Variants in EIF3A observed in about 807,000 individuals in gnomAD.
EIF3A encodes the protein eukaryotic translation initiation factor 3 subunit A.
Under a neutral mutation model 186.6 loss-of-function variants are expected in EIF3A, and 21 were observed. The observed-to-expected ratio is 0.11, with a 90% confidence interval of 0.08 to 0.16. EIF3A has a LOEUF of 0.16. Ranked by LOEUF, EIF3A falls within the 10% of genes least tolerant of loss-of-function variation. The pLI is 1.00. For synonymous variants in EIF3A, 563 were observed against 584.3 expected (o/e 0.96, Z 0.52); for missense variants, 1,306 against 1,796.3 (o/e 0.73, Z 4.93).
intron 18 of EIF3A, 91 bp downstream of exon 18, chr10:119,043,963 C>A (rs1848249351): frequency 2.1e-6 from 2 of 936,656 alleles, no homozygotes; most frequent in African/African-American, 3.3e-5. Flanking sequence ...GCTCTCCTTT[C>A]CCTGCCTCTA....
intron 20 of EIF3A, 43 bp from the exon 21 acceptor site, chr10:119,037,352 C>T (rs769486363): frequency 2.6e-6 from 4 of 1,547,318 alleles, no homozygotes; most frequent in Non-Finnish European, 3.6e-6. Flanking sequence ...TACTGTTAGA[C>T]CAAATGGATA....
At chr10:119,048,122 G>A (rs17098374) in intron 17 of EIF3A, among the ~76,000 whole-genome samples, 2,654 of 145,330 alleles carry the variant, frequency 0.018, 72 homozygotes, top group African/African-American at 0.069. Flanking sequence ...CTACTAACGC[G>A]TGTTTTAAAA....
chr10:119,065,097 C>T (rs1320780170), intron 7 of EIF3A, among the ~76,000 whole-genome samples: 1 of 152,130 alleles, frequency 6.6e-6, no homozygotes, highest in Non-Finnish European at 1.5e-5. Context: ...TTCCTAGAGC[C>T]TCCATGAAAT....
chr10:119,071,442 C>T (rs948369883), intron 4 of EIF3A, among the ~76,000 whole-genome samples: 3 of 152,084 alleles, frequency 2.0e-5, no homozygotes, highest in Admixed American at 6.6e-5. Flanking sequence ...TGATATCTAA[C>T]TTACATAGTA....
chr10:119,076,937 C>CAAAA (rs71016536), intron 1 of EIF3A, among the ~76,000 whole-genome samples: 13 of 123,356 alleles, frequency 1.1e-4, no homozygotes, highest in South Asian at 2.6e-4. Context: ...GACTCTGTCT[C>CAAAA]AAAAAAAAAA....
rs756916885 is a variant in EIF3A, at chr10:119,038,320, G to A, written c.3646C>T (p.Arg1216Trp). Residue 1216 changes from arginine to tryptophan, a missense_variant, in exon 20 of 22, where the codon CGG (arginine) becomes TGG (tryptophan). Coordinates refer to ENST00000369144, the MANE Select transcript of EIF3A (RefSeq NM_003750.4). ...TCAGGGTCCTTGTCATTCTCCTCCC[G>A]ATCTTGATTATCTCTGTCCCTTTCT... Reference protein sequence around the residue: ...EKERDRDNQDREENDKDPERE... With the variant: ...EKERDRDNQDWEENDKDPERE... 56 of 1,613,830 alleles carry A rather than the reference G, an allele frequency of 3.5e-5. No homozygotes were observed. Among genetic ancestry groups the A allele is most frequent in the Non-Finnish European group, 4.5e-5 (53 of 1,179,920 alleles).
At chr10:119,049,747 C>CAAA in intron 17 of EIF3A, 54 bp downstream of exon 17, 1 of 1,156,226 alleles carries the variant, frequency 8.6e-7, no homozygotes, top group Non-Finnish European at 1.2e-6. Context: ...GTGCCTCAAC[C>CAAA]AAAAAAAAAA....
chr10:119,039,047 T>G (rs534296191), intron 19 of EIF3A, among the ~76,000 whole-genome samples: 3 of 152,220 alleles, frequency 2.0e-5, no homozygotes, highest in South Asian at 4.1e-4. Context: ...GATTTCAGCA[T>G]AGTATCTGTT....
chr10:119,048,459 C>A (rs1690339001), intron 17 of EIF3A, among the ~76,000 whole-genome samples: 1 of 152,078 alleles, frequency 6.6e-6, no homozygotes. Flanking sequence ...CCGTTTTGAA[C>A]CTGAGTGCAA....
chr10:119,037,440 T>A, intron 20 of EIF3A, 131 bp from the exon 21 acceptor site: 1 of 752,608 alleles, frequency 1.3e-6, no homozygotes, highest in Non-Finnish European at 2.1e-6. Flanking sequence ...AACCTGACCT[T>A]ACCTGATGCC....
At chr10:119,038,686 G>C (rs992215400) in intron 19 of EIF3A, among the ~76,000 whole-genome samples, 4 of 152,156 alleles carry the variant, frequency 2.6e-5, no homozygotes, top group Non-Finnish European at 5.9e-5. Context: ...CACTTTTGGA[G>C]ACCGAGCCAG....
At chr10:119,037,840 C>T (rs1192539390) in intron 20 of EIF3A, among the ~76,000 whole-genome samples, 1 of 152,002 alleles carries the variant, frequency 6.6e-6, no homozygotes, top group Non-Finnish European at 1.5e-5. Flanking sequence ...GTTCCAATGC[C>T]CAACGGGTCA....
At chr10:119,080,262 G>C in intron 1 of EIF3A, 1 of 965,310 alleles carries the variant, frequency 1.0e-6, no homozygotes, top group Non-Finnish European at 1.2e-6. Context: ...GGCCGGGGAC[G>C]CGGGCCCTAA....
At chr10:119,056,013 C>G (rs904793541) in intron 14 of EIF3A, among the ~76,000 whole-genome samples, 1 of 152,086 alleles carries the variant, frequency 6.6e-6, no homozygotes, top group African/African-American at 2.4e-5. Context: ...CAATCCTAGG[C>G]CCATTAATCT....
intron 19 of EIF3A, among the ~76,000 whole-genome samples, 191 bp downstream of exon 19, chr10:119,041,803 G>T (rs1005018589): frequency 2.2e-4 from 33 of 152,150 alleles, no homozygotes; most frequent in African/African-American, 7.0e-4. Context: ...GAGAGGGGTT[G>T]GGTTATTTAT....
chr10:119,057,895 G>C, intron 12 of EIF3A, 61 bp downstream of exon 12: 1 of 1,328,940 alleles, frequency 7.5e-7, no homozygotes, highest in Non-Finnish European at 1.0e-6. Flanking sequence ...AAGGACTGTG[G>C]TTCTAAGAGT....
At chr10:119,048,059 TAAG>T (rs1848304350) in intron 17 of EIF3A, among the ~76,000 whole-genome samples, 1 of 151,436 alleles carries the variant, frequency 6.6e-6, no homozygotes, top group Non-Finnish European at 1.5e-5. Context: ...CACAGGTGAC[TAAG>T]AAGAAAATAG....
chr10:119,062,478 G>T (rs1843904165), intron 7 of EIF3A, among the ~76,000 whole-genome samples: 1 of 152,154 alleles, frequency 6.6e-6, no homozygotes, highest in Non-Finnish European at 1.5e-5. Flanking sequence ...GTCAACTCAA[G>T]AAGTTGACAA....
At position 119,042,829 on chromosome 10, in the gene EIF3A, T is replaced by C; in HGVS notation, c.2748-57A>G. Reference sequence around the variant, plus strand: ...TAAAATAAAAAAGCATATGATCCTTTGGGGATTTTTTTTTTCACATGCTTT... The same window carrying C: ...TAAAATAAAAAAGCATATGATCCTTCGGGGATTTTTTTTTTCACATGCTTT... On this transcript the variant is annotated intron_variant, in intron 18 of 21. Transcript: ENST00000369144. The surrounding 1 kb of genome is among the most constrained non-coding windows in gnomAD (Gnocchi z 7.8). The C allele has an allele frequency of 2.7e-6, 4 of 1,491,410 alleles. No homozygotes were observed. The South Asian group carries it at 5.5e-5, about 21-fold the overall frequency. 92.4% of individuals were successfully genotyped at this position (1,491,410 alleles called of 1,614,324 possible). A position where few individuals can be genotyped will look rare whatever the true frequency, so the allele number is the denominator to read the frequency against.
Sources: gnomAD v4.1 joint callset for allele counts (sites outside exome capture counted in the v4.1 genomes callset) on GRCh38, gnomAD v4.1.1 for gene constraint, Gnocchi (gnomAD v3.1) non-coding constraint, MANE v1.5 for transcripts, NCBI Gene and HGNC (gene_info 2026-07-23, HGNC 2026-07-21) for gene names.